The following GPHN variants were observed in gnomAD, a reference collection of about 807,000 sequenced individuals.
GPHN encodes the protein gephyrin.
GPHN carries 17 observed loss-of-function variants against 95.5 expected under a neutral mutation model. That is an observed-to-expected ratio of 0.18 (90% CI 0.12 to 0.27). The LOEUF (loss-of-function observed/expected upper bound fraction) is 0.27, where lower values mean the gene tolerates loss of function less well. GPHN is among the 10% of genes least tolerant of loss of function. GPHN has a pLI of 1.00. For synonymous variants in GPHN, 320 were observed against 322.5 expected (o/e 0.99, Z 0.08); for missense variants, 660 against 978.1 (o/e 0.67, Z 4.34).
chr14:66,850,903 T>C (rs976852545), intron 4 of GPHN, among the ~76,000 whole-genome samples: 1 of 152,098 alleles, frequency 6.6e-6, no homozygotes, highest in African/African-American at 2.4e-5. Flanking sequence ...ATAATGAGAT[T>C]TTAAAAATGA....
chr14:67,092,349 G>T (rs1370865106), intron 12 of GPHN, among the ~76,000 whole-genome samples: 1 of 152,008 alleles, frequency 6.6e-6, no homozygotes, highest in African/African-American at 2.4e-5. Flanking sequence ...ACCCTCCTTT[G>T]AGTACCTCCT....
intron 2 of GPHN, among the ~76,000 whole-genome samples, chr14:66,757,515 G>A (rs765829175): frequency 1.3e-5 from 2 of 152,054 alleles, no homozygotes; most frequent in African/African-American, 4.8e-5. Flanking sequence ...TTAGCCTCCC[G>A]AGTAGCTGGG....
At chr14:67,323,261 G>GTGTGTGTGTATATA in the GPHN span, among the ~76,000 whole-genome samples, 28 of 124,140 alleles carry the variant, frequency 2.3e-4, no homozygotes, top group Admixed American at 1.4e-3. Context: ...GTGTGTGTGT[G>GTGTGTGTGTATATA]TATATATATA....
chr14:67,494,782 A>T, the GPHN span, among the ~76,000 whole-genome samples: 4 of 152,150 alleles, frequency 2.6e-5, no homozygotes, highest in East Asian at 7.7e-4. Flanking sequence ...CCAACATTTG[A>T]CAAGAACCAA....
At chr14:66,565,438 A>G (rs571541811) in intron 1 of GPHN, among the ~76,000 whole-genome samples, 22 of 152,072 alleles carry the variant, frequency 1.4e-4, no homozygotes, top group Admixed American at 2.6e-4. Flanking sequence ...AGCCAGGACT[A>G]CAGACATGCA....
the GPHN span, among the ~76,000 whole-genome samples, chr14:67,512,494 T>C: frequency 6.6e-6 from 1 of 152,082 alleles, no homozygotes; most frequent in Non-Finnish European, 1.5e-5. Flanking sequence ...AATTCAAAAA[T>C]ACACCCAGAC....
the GPHN span, among the ~76,000 whole-genome samples, chr14:67,696,232 T>G: frequency 1.3e-5 from 2 of 152,118 alleles, no homozygotes; most frequent in Non-Finnish European, 2.9e-5. Flanking sequence ...ATCTCTGCAG[T>G]CCTCTATCTC....
chr14:67,287,245 T>C, the GPHN span, among the ~76,000 whole-genome samples: 12 of 151,228 alleles, frequency 7.9e-5, no homozygotes, highest in African/African-American at 2.7e-4. Context: ...AAAAAGACAC[T>C]GGAGATTCTG....
chr14:67,326,077 G>T, the GPHN span, among the ~76,000 whole-genome samples: 1,761 of 146,430 alleles, frequency 0.012, 18 homozygotes, highest in Middle Eastern at 0.018. Context: ...CAGCCTCCTC[G>T]GCCTCCCAAA....
chr14:67,654,751 C>G, the GPHN span, among the ~76,000 whole-genome samples: 1 of 151,994 alleles, frequency 6.6e-6, no homozygotes, highest in Non-Finnish European at 1.5e-5. Flanking sequence ...AAATTTTGCC[C>G]GGGCGCAGTG....
the GPHN span, among the ~76,000 whole-genome samples, chr14:67,394,087 A>G: frequency 6.6e-6 from 1 of 152,304 alleles, no homozygotes; most frequent in Admixed American, 6.5e-5. Context: ...TCCTCACCAC[A>G]GAACAGGGTG....
chr14:66,934,821 G>T (rs1425200009), intron 8 of GPHN, among the ~76,000 whole-genome samples: 2 of 152,048 alleles, frequency 1.3e-5, no homozygotes, highest in Non-Finnish European at 2.9e-5. Context: ...TGACTTTTTG[G>T]TTACATGAGC....
intron 19 of GPHN, among the ~76,000 whole-genome samples, chr14:67,161,863 C>A (rs193175221): frequency 1.3e-5 from 2 of 152,296 alleles, no homozygotes; most frequent in East Asian, 1.9e-4. Context: ...TTAAAATATT[C>A]TCAGTGCCTG....
At chr14:66,519,571 T>G (rs1258907575) in intron 1 of GPHN, among the ~76,000 whole-genome samples, 1 of 152,102 alleles carries the variant, frequency 6.6e-6, no homozygotes. Flanking sequence ...TAATAGTTGT[T>G]TAGAGTTACT....
chr14:66,937,844 A>T (rs1424219482), intron 8 of GPHN, among the ~76,000 whole-genome samples: 1 of 152,176 alleles, frequency 6.6e-6, no homozygotes, highest in East Asian at 1.9e-4. Flanking sequence ...AAAGGTCTCT[A>T]TTTTTGCCAA....
At chr14:66,861,264 G>C (rs2063012653) in intron 4 of GPHN, among the ~76,000 whole-genome samples, 1 of 151,998 alleles carries the variant, frequency 6.6e-6, no homozygotes, top group Non-Finnish European at 1.5e-5. Flanking sequence ...AACAAAAACT[G>C]TAAGAAGAGA....
chr14:67,071,694 C>T (rs572994305), intron 11 of GPHN, among the ~76,000 whole-genome samples: 16 of 151,352 alleles, frequency 1.1e-4, no homozygotes, highest in Middle Eastern at 3.4e-3. Flanking sequence ...CCTAAATTGC[C>T]CTATGTCGCA....
At chr14:66,769,423 A>G (rs1299918306) in intron 2 of GPHN, among the ~76,000 whole-genome samples, 1 of 152,092 alleles carries the variant, frequency 6.6e-6, no homozygotes, top group Non-Finnish European at 1.5e-5. Flanking sequence ...TTTGTCACCC[A>G]GGTATTAAGC....
intron 9 of GPHN, among the ~76,000 whole-genome samples, chr14:67,018,334 G>C (rs982202013): frequency 2.6e-5 from 4 of 151,872 alleles, no homozygotes; most frequent in African/African-American, 9.7e-5. Context: ...AGAGAAAGAA[G>C]AAATTATTTC....
Sources: allele counts gnomAD v4.1 joint callset (sites outside exome capture counted in the v4.1 genomes callset), GRCh38; gene constraint gnomAD v4.1.1; transcripts MANE v1.5; gene names NCBI Gene and HGNC (gene_info 2026-07-23, HGNC 2026-07-21).